Variants in MT1G observed in about 807,000 individuals in gnomAD.
The protein encoded by MT1G is metallothionein 1G.
MT1G carries 8 observed loss-of-function variants against 9.1 expected under a neutral mutation model. That is an observed-to-expected ratio of 0.87 (90% CI 0.51 to 1.58). The LOEUF (loss-of-function observed/expected upper bound fraction) is 1.58. MT1G is among the 40% of genes most tolerant of loss of function. The pLI, the probability that MT1G is intolerant of heterozygous loss-of-function variation, is 0.00. For missense variants in MT1G, 79 were observed against 77.3 expected, an observed-to-expected ratio of 1.02 and a Z score of -0.08; for synonymous variants, 31 against 28.4, an observed-to-expected ratio of 1.09 and a Z score of -0.29.
Position 56,666,943 on chromosome 16 carries a change from C to G in MT1G, c.125G>C (p.Cys42Ser), listed in dbSNP as rs1347199034. 5 of 1,614,088 alleles carry G rather than the reference C, an allele frequency of 3.1e-6. No homozygotes were observed. Among genetic ancestry groups the G allele is most frequent in the Non-Finnish European group, 4.2e-6 (5 of 1,180,060 alleles). Residue 42 changes from cysteine (C) to serine (S), a missense_variant, in exon 3 of 3, where the codon TGT (cysteine) becomes TCT (serine). By Grantham distance (112) the Cys-to-Ser change is moderately radical (BLOSUM62 -1). Coordinates refer to ENST00000379811, the MANE Select transcript of MT1G (RefSeq NM_001301267.2). ...KSCCSCCPVGCAKCAQGCICK... is the reference protein window; with the variant it reads ...KSCCSCCPVGSAKCAQGCICK... ...GATGCAGCCCTGGGCACACTTGGCA[C>G]AGCCCACAGGGCAGCAGGAGCAGCA...
Position 56,667,354 on chromosome 16 carries a change from A to T in MT1G, c.55T>A (p.Ser19Thr). ...CATTTGCACTCTTTGCACTTGCAGG[A>T]GCTGGCGCAGGTGCAGGAGACACCT... ...AAGVSCTCAS[S>T]CKCKECKCTS... is the part of the protein sequence containing the mutation. Residue 19 changes from serine (S) to threonine (T), a missense_variant, in exon 2 of 3, where the codon TCC becomes ACC. Transcript: ENST00000379811. The T allele has an allele frequency of 6.2e-7, 1 of 1,614,228 alleles. No homozygotes were observed. Among genetic ancestry groups the T allele is most frequent in the Non-Finnish European group, 8.5e-7 (1 of 1,180,046 alleles).
intron 1 of MT1G, 97 bp from the exon 2 acceptor site, chr16:56,667,477 C>A: frequency 6.6e-7 from 1 of 1,519,682 alleles, no homozygotes; most frequent in Non-Finnish European, 9.0e-7. Flanking sequence ...GCAGAGCCAG[C>A]CCTCAGAGCT....
chr16:56,668,065 T>C lies in MT1G; in HGVS notation c.-72A>G. Reference sequence around the variant, plus strand: ...CAGTGGGTGCACGTGGAAGGCGGAGTGGAGCCCAACAGCCAGCGGCTGTTT... The same window carrying C: ...CAGTGGGTGCACGTGGAAGGCGGAGCGGAGCCCAACAGCCAGCGGCTGTTT... On this transcript the variant is annotated 5_prime_UTR_variant, in exon 1 of 3. Coordinates refer to ENST00000379811, the MANE Select transcript of MT1G (RefSeq NM_001301267.2). 1.9e-6 allele frequency: 3 copies of C among 1,543,410 alleles called. No individual in the cohort carries two copies. Among genetic ancestry groups the C allele is most frequent in the African/African-American group, 1.4e-5 (1 of 73,360 alleles).
At chr16:56,667,167 A>C (rs1216343059) in intron 2 of MT1G, 145 bp downstream of exon 2, 4 of 1,558,132 alleles carry the variant, frequency 2.6e-6, no homozygotes, top group South Asian at 2.3e-5. Flanking sequence ...TAAGCCCTGG[A>C]AAGTGCAGAA....
Position 56,667,370 on chromosome 16 carries a change from G to A in MT1G, c.39C>T (p.Ser13=). ...ACTTGCAGGAGCTGGCGCAGGTGCAGGAGACACCTGCTAGAAGAGAAAAAG... is the reference window on the plus strand; with the variant it reads ...ACTTGCAGGAGCTGGCGCAGGTGCAAGAGACACCTGCTAGAAGAGAAAAAG... ...PNCSCAAAGV[S]CTCASSCKCK... is the part of the protein sequence containing the mutation. Residue 13 remains serine (S), a synonymous_variant, in exon 2 of 3, where the codon TCC becomes TCT. Transcript: ENST00000379811. The A allele has an allele frequency of 6.2e-7, 1 of 1,614,246 alleles. No individual in the cohort carries two copies. Among genetic ancestry groups the A allele is most frequent in the South Asian group, 1.1e-5 (1 of 91,090 alleles).
chr16:56,668,005 G>A lies in MT1G; in HGVS notation c.-12C>T, dbSNP rs1312927007. On this transcript the variant is annotated 5_prime_UTR_variant, in exon 1 of 3. Transcript: ENST00000379811. ...CAGTTGGGGTCCATTGCAACCCGAG[G>A]CGAGACTAGAGTTCCCAAGCGAGAA... 1 of 1,613,690 alleles carries A rather than the reference G, an allele frequency of 6.2e-7. No individual in the cohort carries two copies. Among genetic ancestry groups the A allele is most frequent in the Non-Finnish European group, 8.5e-7 (1 of 1,179,778 alleles).
At chr16:56,667,743 C>T (rs1436150594) in intron 1 of MT1G, among the ~76,000 whole-genome samples, 1 of 152,160 alleles carries the variant, frequency 6.6e-6, no homozygotes, top group Non-Finnish European at 1.5e-5. Context: ...AACCAGGTGA[C>T]GTGGAGCAGG....
At chr16:56,667,457 C>G in intron 1 of MT1G, 77 bp from the exon 2 acceptor site, 1 of 1,591,508 alleles carries the variant, frequency 6.3e-7, no homozygotes, top group African/African-American at 1.3e-5. Context: ...TCCACTTCCC[C>G]CTTCTCTGTG....
intron 1 of MT1G, among the ~76,000 whole-genome samples, 183 bp from the exon 2 acceptor site, chr16:56,667,563 A>C (rs1319707500): frequency 7.9e-5 from 12 of 152,142 alleles, no homozygotes; most frequent in African/African-American, 2.7e-4. Flanking sequence ...GCACCCTCCT[A>C]TTTCTACTCC....
intron 2 of MT1G, 69 bp from the exon 3 acceptor site, chr16:56,667,039 C>T (rs2144349467): frequency 6.2e-7 from 1 of 1,605,000 alleles, no homozygotes; most frequent in East Asian, 2.2e-5. Context: ...CAACAGAGGC[C>T]TGTCTCCATC....
In MT1G at chr16:56,666,850, T is replaced by G; in HGVS notation, c.*29A>C. The G allele has an allele frequency of 6.2e-7, 1 of 1,612,102 alleles. No individual in the cohort carries two copies. ...TCCTGGATTTTACGGGTCACTCTATTTGTACTTGGGAGCAGGGCTGTCCCG... is the reference window on the plus strand; with the variant it reads ...TCCTGGATTTTACGGGTCACTCTATGTGTACTTGGGAGCAGGGCTGTCCCG... On this transcript the variant is annotated 3_prime_UTR_variant, in exon 3 of 3. Transcript: ENST00000379811.
intron 2 of MT1G, 125 bp downstream of exon 2, chr16:56,667,187 G>A: frequency 1.3e-6 from 2 of 1,579,218 alleles, no homozygotes; most frequent in Non-Finnish European, 1.7e-6. Flanking sequence ...AGACTAGACA[G>A]GCAGTGACAA....
intron 1 of MT1G, among the ~76,000 whole-genome samples, chr16:56,667,728 T>C (rs1960805607): frequency 6.6e-6 from 1 of 152,138 alleles, no homozygotes; most frequent in Non-Finnish European, 1.5e-5. Context: ...AGCAGCCCTG[T>C]GACCAACCAG....
chr16:56,667,211 A>C (rs1318715074), intron 2 of MT1G, 101 bp downstream of exon 2: 2 of 1,605,038 alleles, frequency 1.2e-6, no homozygotes, highest in Non-Finnish European at 1.7e-6. Context: ...ACAGGGACAA[A>C]GGAAGGCCGG....
Position 56,666,867 on chromosome 16 carries a change from G to A in MT1G, c.*12C>T, listed in dbSNP as rs1960784593. On this transcript the variant is annotated 3_prime_UTR_variant, in exon 3 of 3. Coordinates refer to ENST00000379811, the MANE Select transcript of MT1G (RefSeq NM_001301267.2). Reference sequence around the variant, plus strand: ...CACTCTATTTGTACTTGGGAGCAGGGCTGTCCCGACATCAGGCGCAGCAGC... The same window carrying A: ...CACTCTATTTGTACTTGGGAGCAGGACTGTCCCGACATCAGGCGCAGCAGC... 1.2e-6 allele frequency: 2 copies of A among 1,614,004 alleles called. No homozygotes were observed. Among genetic ancestry groups the A allele is most frequent in the African/African-American group, 1.3e-5 (1 of 74,944 alleles).
rs369267835 is a variant in MT1G at position 56,667,952 on chromosome 16, C to T, written c.28+14G>A. ...ATTTGGCATCCCAAGGCACAGAACCCGGGCGTCCCTTACCAGCGGCACAGG... is the reference window on the plus strand; with the variant it reads ...ATTTGGCATCCCAAGGCACAGAACCTGGGCGTCCCTTACCAGCGGCACAGG... On this transcript the variant is annotated intron_variant, in intron 1 of 2. Coordinates refer to ENST00000379811, the MANE Select transcript of MT1G (RefSeq NM_001301267.2). 3 of 1,613,808 alleles carry T rather than the reference C, an allele frequency of 1.9e-6. No homozygotes were observed. Among genetic ancestry groups the T allele is most frequent in the Non-Finnish European group, 2.5e-6 (3 of 1,179,816 alleles).
At chr16:56,667,859 T>A in intron 1 of MT1G, 107 bp downstream of exon 1, 3 of 1,292,436 alleles carry the variant, frequency 2.3e-6, no homozygotes, top group Admixed American at 3.4e-5. Context: ...AATAAAGGAG[T>A]CCCCTTTACC....
At chr16:56,667,436 G>A (rs111359735) in intron 1 of MT1G, 56 bp from the exon 2 acceptor site, 69,421 of 1,607,868 alleles carry the variant, frequency 0.043, 1,784 homozygotes, top group Non-Finnish European at 0.048. Flanking sequence ...ACAGCAGTGG[G>A]TCAATGAGTG....
At chr16:56,667,067 C>T (rs1960790605) in intron 2 of MT1G, 97 bp from the exon 3 acceptor site, 1 of 1,591,624 alleles carries the variant, frequency 6.3e-7, no homozygotes, top group South Asian at 1.1e-5. Context: ...CCCCAGAGGA[C>T]CCTTAGTTCA....
Sources: allele counts gnomAD v4.1 joint callset (sites outside exome capture counted in the v4.1 genomes callset), GRCh38; gene constraint gnomAD v4.1.1; transcripts MANE v1.5; gene names NCBI Gene and HGNC (gene_info 2026-07-23, HGNC 2026-07-21).